Variants in BRINP1 observed in about 807,000 individuals in gnomAD.
The protein encoded by BRINP1 is BMP/retinoic acid inducible neural specific 1, also known as BMP/retinoic acid-inducible neural-specific protein 1.
In BRINP1, 17 loss-of-function variants were observed where a neutral mutation model predicts 72.9. The observed-to-expected ratio is 0.23, with a 90% CI of 0.16 to 0.35. The LOEUF (loss-of-function observed/expected upper bound fraction) is 0.35, where lower values mean the gene tolerates loss of function less well. Ranked by LOEUF, BRINP1 falls within the 10% of genes least tolerant of loss-of-function variation. The pLI is 1.00. For synonymous variants in BRINP1, 418 were observed against 378.5 expected, an observed-to-expected ratio of 1.10 and a Z score of -1.21; for missense variants, 850 against 1,001.6, an observed-to-expected ratio of 0.85 and a Z score of 2.04.
At chr9:119,222,320 T>C (rs904613860) in intron 5 of BRINP1, among the ~76,000 whole-genome samples, 3 of 152,120 alleles carry the variant, frequency 2.0e-5, no homozygotes, top group Admixed American at 2.0e-4. Context: ...TGACAAACTA[T>C]AGCCAAATTG....
intron 1 of BRINP1, among the ~76,000 whole-genome samples, chr9:119,365,718 T>C (rs1477853312): frequency 6.6e-6 from 1 of 152,144 alleles, no homozygotes; most frequent in African/African-American, 2.4e-5. Flanking sequence ...TTTACAATTC[T>C]TGCCTGTACC....
chr9:119,229,036 A>G (rs1265231363), intron 5 of BRINP1, among the ~76,000 whole-genome samples: 3 of 152,144 alleles, frequency 2.0e-5, no homozygotes, highest in South Asian at 4.1e-4. Context: ...CTTTTTATGT[A>G]TATGTATTTG....
intron 7 of BRINP1, among the ~76,000 whole-genome samples, chr9:119,195,566 G>T (rs1040600618): frequency 2.0e-5 from 3 of 152,140 alleles, no homozygotes; most frequent in African/African-American, 7.2e-5. Flanking sequence ...ATTTGTCTTG[G>T]TAATAGTTTA....
intron 7 of BRINP1, among the ~76,000 whole-genome samples, chr9:119,184,418 A>G (rs1423099421): frequency 6.6e-6 from 1 of 152,164 alleles, no homozygotes; most frequent in African/African-American, 2.4e-5. Flanking sequence ...CTTCATTGCC[A>G]CATAGTTAGA....
At chr9:119,169,948 C>T (rs1407711689) in intron 7 of BRINP1, among the ~76,000 whole-genome samples, 24 of 152,160 alleles carry the variant, frequency 1.6e-4, no homozygotes, top group Admixed American at 1.6e-3. Context: ...AACTAACAAA[C>T]AGAAAGGACA....
At chr9:119,180,485 G>GTGTA (rs1829543810) in intron 7 of BRINP1, among the ~76,000 whole-genome samples, 1 of 77,044 alleles carries the variant, frequency 1.3e-5, no homozygotes. Flanking sequence ...GTGCATGTGT[G>GTGTA]TGTGTGTGTG....
At chr9:119,314,030 C>T (rs1039515818) in intron 1 of BRINP1, among the ~76,000 whole-genome samples, 1 of 152,194 alleles carries the variant, frequency 6.6e-6, no homozygotes, top group African/African-American at 2.4e-5. Flanking sequence ...AGGTTGAATA[C>T]TTTAGAGACG....
At chr9:119,248,064 T>C (rs1172984866) in intron 3 of BRINP1, among the ~76,000 whole-genome samples, 1 of 152,190 alleles carries the variant, frequency 6.6e-6, no homozygotes, top group Admixed American at 6.5e-5. Context: ...CCAGGAAGTC[T>C]GTACTGACCA....
At chr9:119,367,219 T>TATATATATATATATA (rs1219045184) in intron 1 of BRINP1, among the ~76,000 whole-genome samples, 11 of 56,508 alleles carry the variant, frequency 1.9e-4, no homozygotes, top group Non-Finnish European at 2.7e-4. Flanking sequence ...GTGTGTGTGA[T>TATATATATATATATA]TGATATATAT....
intron 7 of BRINP1, among the ~76,000 whole-genome samples, chr9:119,170,514 C>T (rs1289437929): frequency 6.6e-6 from 1 of 152,034 alleles, no homozygotes; most frequent in Non-Finnish European, 1.5e-5. Flanking sequence ...ATTGGTGTAC[C>T]TGAAAGTGAT....
chr9:119,347,337 T>A (rs745560043), intron 1 of BRINP1, among the ~76,000 whole-genome samples: 1 of 152,138 alleles, frequency 6.6e-6, no homozygotes. Flanking sequence ...GGGCCCACTG[T>A]CTATGCGGGC....
intron 2 of BRINP1, among the ~76,000 whole-genome samples, chr9:119,250,159 T>G (rs542480112): frequency 7.9e-5 from 11 of 138,482 alleles, no homozygotes; most frequent in Non-Finnish European, 1.1e-4. Flanking sequence ...GGAGGGAGGG[T>G]GAGAAGGAGG....
At chr9:119,219,187 C>A (rs1830013764) in intron 5 of BRINP1, among the ~76,000 whole-genome samples, 1 of 152,102 alleles carries the variant, frequency 6.6e-6, no homozygotes, top group Admixed American at 6.5e-5. Context: ...TTTGTTACAG[C>A]AGCCTGAGCA....
At chr9:119,262,494 T>C (rs1359894485) in intron 2 of BRINP1, among the ~76,000 whole-genome samples, 1 of 150,262 alleles carries the variant, frequency 6.7e-6, no homozygotes, top group African/African-American at 2.5e-5. Flanking sequence ...AAAATAAAAA[T>C]AAATTGCCGG....
At chr9:119,199,896 C>T (rs1029830588) in intron 7 of BRINP1, among the ~76,000 whole-genome samples, 14 of 151,342 alleles carry the variant, frequency 9.3e-5, no homozygotes, top group South Asian at 6.2e-4. Flanking sequence ...TGAAGACAAT[C>T]GCCATTTGCA....
chr9:119,216,898 G>A (rs1829983762), intron 5 of BRINP1, among the ~76,000 whole-genome samples: 1 of 152,148 alleles, frequency 6.6e-6, no homozygotes, highest in African/African-American at 2.4e-5. Context: ...GTTTGGGGTT[G>A]GGGGTTTTCT....
At chr9:119,223,544 C>A (rs1361904160) in intron 5 of BRINP1, among the ~76,000 whole-genome samples, 1 of 152,058 alleles carries the variant, frequency 6.6e-6, no homozygotes, top group African/African-American at 2.4e-5. Flanking sequence ...TGCTCATGTT[C>A]ATGTCTCTCC....
intron 2 of BRINP1, among the ~76,000 whole-genome samples, chr9:119,249,751 A>C (rs792935): frequency 0.71 from 106,973 of 150,070 alleles, 39,226 homozygotes; most frequent in East Asian, 0.91. Context: ...TATATAGCTC[A>C]GTGCCTGTTA....
chr9:119,213,188 A>T (rs1829947050), intron 6 of BRINP1, among the ~76,000 whole-genome samples: 1 of 152,052 alleles, frequency 6.6e-6, no homozygotes, highest in African/African-American at 2.4e-5. Flanking sequence ...CCAACTCTAC[A>T]TCGTTTGTTC....
Sources: gnomAD v4.1 joint callset for allele counts (sites outside exome capture counted in the v4.1 genomes callset) on GRCh38, gnomAD v4.1.1 for gene constraint, MANE v1.5 for transcripts, NCBI Gene and HGNC (gene_info 2026-07-23, HGNC 2026-07-21) for gene names.